The following ATG7 variants were observed in gnomAD, a reference collection of about 807,000 sequenced individuals.
The protein encoded by ATG7 is ubiquitin-like modifier-activating enzyme ATG7.
In ATG7, 70 loss-of-function variants were observed where a neutral mutation model predicts 82.4. The observed-to-expected ratio is 0.85, with a 90% CI of 0.70 to 1.04. ATG7 has a LOEUF of 1.04. Among genes scored for constraint, ATG7 ranks in the 50% least tolerant of loss-of-function variants. ATG7 has a pLI of 0.00. For missense variants in ATG7, 792 were observed against 864.3 expected, an observed-to-expected ratio of 0.92 and a Z score of 1.05; for synonymous variants, 287 against 313.0, an observed-to-expected ratio of 0.92 and a Z score of 0.88.
intron 20 of ATG7, among the ~76,000 whole-genome samples, chr3:11,476,614 T>C (rs114798639): frequency 0.011 from 1,710 of 152,288 alleles, 30 homozygotes; most frequent in African/African-American, 0.039. Flanking sequence ...GTAGATGGAA[T>C]GGTAACTCAC....
At chr3:11,299,469 G>T in intron 5 of ATG7, 53 bp downstream of exon 5, 1 of 1,529,328 alleles carries the variant, frequency 6.5e-7, no homozygotes, top group Admixed American at 1.7e-5. Context: ...TTTTGGCAAG[G>T]AATAAGCATG....
At chr3:11,361,697 A>G (rs1235233462) in intron 16 of ATG7, among the ~76,000 whole-genome samples, 7 of 152,178 alleles carry the variant, frequency 4.6e-5, no homozygotes, top group Non-Finnish European at 7.3e-5. Flanking sequence ...CTCCCTAGCA[A>G]TGCTAATAGA....
intron 20 of ATG7, among the ~76,000 whole-genome samples, chr3:11,427,540 G>A (rs905982066): frequency 8.7e-5 from 13 of 149,238 alleles, no homozygotes; most frequent in Middle Eastern, 3.4e-3. Flanking sequence ...ATTATCGGCC[G>A]GGCGAGGTGG....
chr3:11,275,664 C>T (rs999876442), intron 1 of ATG7, among the ~76,000 whole-genome samples: 10 of 152,006 alleles, frequency 6.6e-5, no homozygotes, highest in African/African-American at 2.2e-4. Flanking sequence ...TCTCCCCTTT[C>T]TATCTCCTGA....
chr3:11,325,450 T>A (rs780140744), intron 9 of ATG7, among the ~76,000 whole-genome samples: 14 of 152,182 alleles, frequency 9.2e-5, no homozygotes, highest in Non-Finnish European at 2.1e-4. Context: ...GGTGGGCAGA[T>A]CACCTGAGGT....
chr3:11,385,733 A>G (rs1246812291), intron 19 of ATG7, among the ~76,000 whole-genome samples: 1 of 152,224 alleles, frequency 6.6e-6, no homozygotes, highest in Admixed American at 6.5e-5. Flanking sequence ...AGGAGTTTCT[A>G]GAAACACCTA....
intron 18 of ATG7, among the ~76,000 whole-genome samples, chr3:11,378,080 C>G (rs1334213657): frequency 8.6e-6 from 1 of 116,398 alleles, no homozygotes; most frequent in African/African-American, 3.5e-5. Flanking sequence ...CAGGCTGGAT[C>G]TCAGCTCACT....
At chr3:11,409,114 T>A (rs1158497637) in intron 19 of ATG7, among the ~76,000 whole-genome samples, 1 of 152,222 alleles carries the variant, frequency 6.6e-6, no homozygotes, top group Non-Finnish European at 1.5e-5. Context: ...TTCATCCTTC[T>A]GATAGTTTCT....
intron 20 of ATG7, among the ~76,000 whole-genome samples, chr3:11,538,920 G>A (rs2070588171): frequency 6.6e-6 from 1 of 151,682 alleles, no homozygotes; most frequent in South Asian, 2.1e-4. Context: ...TTGAGAATGA[G>A]TGACTGAAGG....
At chr3:11,293,054 G>A (rs1945226970) in intron 3 of ATG7, among the ~76,000 whole-genome samples, 1 of 152,114 alleles carries the variant, frequency 6.6e-6, no homozygotes, top group Non-Finnish European at 1.5e-5. Context: ...AAGCAAACTA[G>A]GAAATACAGA....
chr3:11,304,053 T>TGTG (rs1199904827), intron 5 of ATG7, among the ~76,000 whole-genome samples: 1 of 152,116 alleles, frequency 6.6e-6, no homozygotes, highest in Non-Finnish European at 1.5e-5. Flanking sequence ...ATCGCACGAC[T>TGTG]GCACTCCAGC....
At chr3:11,528,363 C>T (rs1053392740) in intron 20 of ATG7, among the ~76,000 whole-genome samples, 6 of 152,108 alleles carry the variant, frequency 3.9e-5, no homozygotes, top group African/African-American at 7.2e-5. Context: ...TCAGAGGAAT[C>T]GCAGTCAGTC....
chr3:11,573,781 GT>G, the ATG7 span, among the ~76,000 whole-genome samples: 1 of 152,146 alleles, frequency 6.6e-6, no homozygotes, highest in Non-Finnish European at 1.5e-5. Context: ...GTTGAACTGT[GT>G]CCCCCTGAAA....
chr3:11,536,679 C>T (rs899269377), intron 20 of ATG7, among the ~76,000 whole-genome samples: 32 of 152,290 alleles, frequency 2.1e-4, no homozygotes, highest in South Asian at 8.3e-4. Flanking sequence ...CCCATAGGTG[C>T]GGAACGAACC....
At chr3:11,524,087 G>C (rs1163934189) in intron 20 of ATG7, among the ~76,000 whole-genome samples, 3 of 152,230 alleles carry the variant, frequency 2.0e-5, no homozygotes, top group Admixed American at 6.5e-5. Context: ...ATTTTTTAAA[G>C]TCTCAGTTCA....
intron 20 of ATG7, among the ~76,000 whole-genome samples, chr3:11,429,738 A>G (rs1341479288): frequency 6.6e-6 from 1 of 151,934 alleles, no homozygotes; most frequent in Admixed American, 6.5e-5. Flanking sequence ...GCCTGAGCTC[A>G]GGAGTTTGAG....
downstream of ATG7, among the ~76,000 whole-genome samples, chr3:11,562,063 A>G (rs1002129187): frequency 6.6e-6 from 1 of 151,840 alleles, no homozygotes; most frequent in African/African-American, 2.4e-5. Context: ...ACGCCTGGCT[A>G]ATTTTTGTAC....
chr3:11,479,103 A>G (rs1318546201), intron 20 of ATG7, among the ~76,000 whole-genome samples: 1 of 151,664 alleles, frequency 6.6e-6, no homozygotes, highest in Non-Finnish European at 1.5e-5. Context: ...AATCTTCTCA[A>G]TGGCAGGCTC....
intron 15 of ATG7, among the ~76,000 whole-genome samples, chr3:11,359,213 A>G (rs1327443957): frequency 6.6e-6 from 1 of 152,136 alleles, no homozygotes; most frequent in Non-Finnish European, 1.5e-5. Flanking sequence ...TGGGAGAGAA[A>G]GGGAGAAAAT....
Sources: gnomAD v4.1 joint callset for allele counts (sites outside exome capture counted in the v4.1 genomes callset) on GRCh38, gnomAD v4.1.1 for gene constraint, MANE v1.5 for transcripts, NCBI Gene and HGNC (gene_info 2026-07-23, HGNC 2026-07-21) for gene names.